Variants in SEMA4D observed in about 807,000 individuals in gnomAD.
SEMA4D encodes semaphorin 4D, also known as semaphorin-4D.
In SEMA4D, 22 loss-of-function variants were observed where a neutral mutation model predicts 74.8. That is an observed-to-expected ratio of 0.29 (90% CI 0.21 to 0.42). The LOEUF (loss-of-function observed/expected upper bound fraction) is 0.42. Ranked by LOEUF, SEMA4D falls within the 10% of genes least tolerant of loss-of-function variation. The probability of loss-of-function intolerance (pLI) is 1.00; values close to 1 mark genes in which losing one functional copy is unlikely to be tolerated. For missense variants in SEMA4D, 937 were observed against 1,118.4 expected, an observed-to-expected ratio of 0.84 and a Z score of 2.31; for synonymous variants, 445 against 463.7, an observed-to-expected ratio of 0.96 and a Z score of 0.52.
Position 89,436,907 on chromosome 9 carries a change from C to T in SEMA4D, c.-244+18981G>A, listed in dbSNP as rs568959720. 2.2e-4 allele frequency among the ~76,000 whole-genome samples: 34 copies of T among 152,284 alleles called. No individual in the cohort carries two copies. In the South Asian group the frequency reaches 6.6e-3, roughly 30 times the overall value. On this transcript the variant is annotated intron_variant, in intron 2 of 15. Transcript: ENST00000422704. ...AGGATGGGTGAGCTGCCTAAGGCCA[C>T]GGGACAATGGGGCTAGAGGTGAAGT...
rs144196474 is a variant in SEMA4D, at chr9:89,433,249, C to T, written c.-244+22639G>A. ...TGACCCCCTGAGGCTGCCACGAGTC[C>T]CCCATGAGTGCAACTGCAGAGACAG... On this transcript the variant is annotated intron_variant, in intron 2 of 15. Coordinates refer to ENST00000422704, the MANE Select transcript of SEMA4D (RefSeq NM_001371194.2). Among the ~76,000 whole-genome samples, 94 of 152,336 alleles carry T rather than the reference C, an allele frequency of 6.2e-4. 1 individual carries two copies. The East Asian group carries it at 0.015, about 24-fold the overall frequency.
intron 2 of SEMA4D, among the ~76,000 whole-genome samples, chr9:89,412,541 G>A (rs911018092): frequency 1.3e-5 from 2 of 152,204 alleles, no homozygotes; most frequent in African/African-American, 2.4e-5. Flanking sequence ...ACACTGCCAT[G>A]TAGAGCTCAG....
At chr9:89,371,283 T>C (rs115329057) in intron 16 of SEMA4D, among the ~76,000 whole-genome samples, 1,921 of 112,362 alleles carry the variant, frequency 0.017, 84 homozygotes, top group African/African-American at 0.065. Flanking sequence ...TGGGGTGTGG[T>C]GTGTGACGGT....
At chr9:89,435,375 C>T (rs1489118083) in intron 2 of SEMA4D, among the ~76,000 whole-genome samples, 2 of 152,214 alleles carry the variant, frequency 1.3e-5, no homozygotes, top group Admixed American at 1.3e-4. Context: ...TTCACAGCCC[C>T]CATTCCTATG....
intron 2 of SEMA4D, among the ~76,000 whole-genome samples, chr9:89,423,659 A>C (rs937421013): frequency 6.6e-6 from 1 of 152,000 alleles, no homozygotes; most frequent in Non-Finnish European, 1.5e-5. Flanking sequence ...TGTGACCCAG[A>C]ACAGGCCTCT....
At chr9:89,481,026 G>C (rs1472591207) in intron 1 of SEMA4D, among the ~76,000 whole-genome samples, 1 of 152,212 alleles carries the variant, frequency 6.6e-6, no homozygotes, top group African/African-American at 2.4e-5. Context: ...AAAGTAACAC[G>C]TCTTGTCCAT....
intron 16 of SEMA4D, chr9:89,367,456 C>T (rs957307859): frequency 1.3e-5 from 2 of 152,312 alleles, no homozygotes; most frequent in African/African-American, 4.8e-5. Flanking sequence ...CCCAGATCAC[C>T]CCCTTGGCCT....
chr9:89,450,226 T>C, intron 2 of SEMA4D: 1 of 1,225,338 alleles, frequency 8.2e-7, no homozygotes, highest in East Asian at 2.3e-5. Context: ...GTACATGAAG[T>C]ATATGCTGTG....
rs571943001 is a variant in SEMA4D at position 89,496,336 on chromosome 9, T to C, written c.-310+1583A>G. Among the ~76,000 whole-genome samples, 3 of 152,260 alleles carry C rather than the reference T, an allele frequency of 2.0e-5. No homozygotes were observed. In the South Asian group the frequency reaches 6.2e-4, roughly 32 times the overall value. On this transcript the variant is annotated intron_variant, in intron 1 of 15. Coordinates refer to ENST00000422704, the MANE Select transcript of SEMA4D (RefSeq NM_001371194.2). ...GGGGCTCTGCATCCCCACGGTGGCCTTTTGCCTGTCTGCACTCTGAAATAC... is the reference window on the plus strand; with the variant it reads ...GGGGCTCTGCATCCCCACGGTGGCCCTTTGCCTGTCTGCACTCTGAAATAC...
At chr9:89,440,459 T>C (rs1189578084) in intron 2 of SEMA4D, among the ~76,000 whole-genome samples, 1 of 151,874 alleles carries the variant, frequency 6.6e-6, no homozygotes, top group Non-Finnish European at 1.5e-5. Context: ...TGCTGTCTGA[T>C]CCACCTCCCA....
chr9:89,481,625 C>T (rs571496986), intron 1 of SEMA4D, among the ~76,000 whole-genome samples: 38 of 152,332 alleles, frequency 2.5e-4, no homozygotes, highest in African/African-American at 7.5e-4. Flanking sequence ...ACACACACAC[C>T]GGAATACGTG....
At chr9:89,382,035 A>G (rs1409941616) in intron 13 of SEMA4D, among the ~76,000 whole-genome samples, 2 of 152,248 alleles carry the variant, frequency 1.3e-5, no homozygotes, top group Non-Finnish European at 2.9e-5. Context: ...CCACACCCAC[A>G]GCAGAGGGCA....
intron 2 of SEMA4D, among the ~76,000 whole-genome samples, chr9:89,454,249 G>A (rs60285934): frequency 0.012 from 1,864 of 152,300 alleles, 34 homozygotes; most frequent in African/African-American, 0.042. Context: ...TAAAGGGGAT[G>A]CAAGGACTTA....
chr9:89,402,116 G>A (rs887968793), intron 4 of SEMA4D, among the ~76,000 whole-genome samples: 1 of 152,250 alleles, frequency 6.6e-6, no homozygotes, highest in African/African-American at 2.4e-5. Context: ...AGGAGGCTGA[G>A]GCAAGAGGAT....
rs1174920518 is a variant in SEMA4D at position 89,381,034 on chromosome 9, G to A, written c.1663+21C>T. On this transcript the variant is annotated intron_variant, in intron 15 of 15. Transcript: ENST00000422704. The surrounding 1 kb of genome is among the most constrained non-coding windows in gnomAD (Gnocchi z 4.6). ...GACCTCGCCACTCCCAAAGGAAATG[G>A]GACGTCGAGGAGTCACTCACCCGGG... 1 of 1,613,856 alleles carries A rather than the reference G, an allele frequency of 6.2e-7. No homozygotes were observed. Among genetic ancestry groups the A allele is most frequent in the East Asian group, 2.2e-5 (1 of 44,900 alleles).
In SEMA4D at chr9:89,396,799, G is replaced by A. The variant is rs1222721291; in HGVS notation, c.352C>T (p.Leu118Phe). 6.2e-7 allele frequency: 1 copy of A among 1,614,074 alleles called. No homozygotes were observed. Among genetic ancestry groups the A allele is most frequent in the Admixed American group, 1.7e-5 (1 of 60,020 alleles). The change falls in exon 6 of 16, where the codon CTC becomes TTC. Residue 118 changes from leucine (L) to phenylalanine (F), a missense_variant. Physicochemically the swap from Leu to Phe is conservative, Grantham distance 22. Transcript: ENST00000422704. ...CLNYIRVLQP[L>F]SATSLYVCGT... Reference sequence around the variant, plus strand: ...CACACGTAAAGGGAAGTGGCGCTGAGTGGCTGCAGCACCCGGATGTAGTTG... The same window carrying A: ...CACACGTAAAGGGAAGTGGCGCTGAATGGCTGCAGCACCCGGATGTAGTTG...
chr9:89,461,374 C>T (rs1000383172), intron 1 of SEMA4D, among the ~76,000 whole-genome samples: 1 of 152,138 alleles, frequency 6.6e-6, no homozygotes, highest in South Asian at 2.1e-4. Context: ...GACTGTGAAA[C>T]TGAAAAGCGC....
At chr9:89,396,521 C>T (rs568295630) in intron 6 of SEMA4D, among the ~76,000 whole-genome samples, 4 of 152,340 alleles carry the variant, frequency 2.6e-5, no homozygotes, top group East Asian at 3.9e-4. Context: ...CCATGGACAC[C>T]GAAACTTAGA....
At chr9:89,425,676 C>A (rs1421196211) in intron 2 of SEMA4D, among the ~76,000 whole-genome samples, 1 of 152,230 alleles carries the variant, frequency 6.6e-6, no homozygotes, top group East Asian at 1.9e-4. Context: ...TGTGGCCCCA[C>A]TGGCTGTACA....
Sources: gnomAD v4.1 joint callset for allele counts (sites outside exome capture counted in the v4.1 genomes callset) on GRCh38, gnomAD v4.1.1 for gene constraint, Gnocchi (gnomAD v3.1) non-coding constraint, MANE v1.5 for transcripts, NCBI Gene and HGNC (gene_info 2026-07-23, HGNC 2026-07-21) for gene names.